DLG2: variants seen among roughly 807,000 people sequenced by gnomAD.
DLG2 encodes the protein discs large MAGUK scaffold protein 2.
A neutral mutation model predicts 132.5 loss-of-function variants in DLG2; 45 were observed. The ratio of observed to expected loss-of-function variants is 0.34; its 90% CI spans 0.27 to 0.44. The LOEUF (loss-of-function observed/expected upper bound fraction) is 0.44. DLG2 is among the 20% of genes least tolerant of loss of function. The pLI is 1.00. For synonymous variants in DLG2, 424 were observed against 419.6 expected (o/e 1.01, Z -0.13); for missense variants, 1,045 against 1,196.9 (o/e 0.87, Z 1.87).
At chr11:85,207,195 T>C (rs560388386) in intron 4 of DLG2, among the ~76,000 whole-genome samples, 3 of 152,170 alleles carry the variant, frequency 2.0e-5, no homozygotes, top group Non-Finnish European at 4.4e-5. Flanking sequence ...ATTGTACTAA[T>C]GAGGAGGGAA....
chr11:85,054,027 G>A lies in DLG2; in HGVS notation c.357+57634C>T, dbSNP rs2063183942. Among the ~76,000 whole-genome samples the A allele has an allele frequency of 2.0e-5, 3 of 152,108 alleles. No individual in the cohort carries two copies. In the South Asian group the frequency reaches 6.2e-4, roughly 32 times the overall value. The stretch of plus-strand genomic sequence containing the variant: ...CAGGCCTGTAATCCCAGAGCTTTGG[G>A]AGGCTGAGGCGGGTGGATCACAACG... On this transcript the variant is annotated intron_variant, in intron 6 of 27. Coordinates refer to ENST00000376104, the MANE Select transcript of DLG2 (RefSeq NM_001142699.3).
intron 6 of DLG2, among the ~76,000 whole-genome samples, chr11:85,022,003 A>G (rs1441524775): frequency 6.6e-6 from 1 of 152,172 alleles, no homozygotes; most frequent in Non-Finnish European, 1.5e-5. Flanking sequence ...CTTTAAACTA[A>G]TGTTTTGGAA....
chr11:83,501,571 T>G (rs146874111), intron 21 of DLG2, among the ~76,000 whole-genome samples: 3 of 152,170 alleles, frequency 2.0e-5, no homozygotes, highest in African/African-American at 7.2e-5. Flanking sequence ...TCTCTGAGGT[T>G]TCTTTCATCT....
At chr11:84,986,246 A>G (rs780156626) in intron 6 of DLG2, among the ~76,000 whole-genome samples, 29 of 152,138 alleles carry the variant, frequency 1.9e-4, no homozygotes, top group Non-Finnish European at 4.0e-4. Flanking sequence ...CCTAGCTTAA[A>G]TCGGGAAGAA....
chr11:84,107,219 G>T (rs1363116966), intron 9 of DLG2, among the ~76,000 whole-genome samples: 1 of 151,774 alleles, frequency 6.6e-6, no homozygotes, highest in Non-Finnish European at 1.5e-5. Flanking sequence ...AGTGAGAATG[G>T]GGCCCAGAGT....
At chr11:84,032,400 C>A (rs969538777) in intron 11 of DLG2, among the ~76,000 whole-genome samples, 2 of 152,208 alleles carry the variant, frequency 1.3e-5, no homozygotes, top group Non-Finnish European at 2.9e-5. Flanking sequence ...AAACTAGCCA[C>A]ACCAGTCTCT....
chr11:83,471,649 T>G lies in DLG2; in HGVS notation c.2423A>C (p.Asp808Ala). The G allele has an allele frequency of 6.2e-7, 1 of 1,613,156 alleles. No individual in the cohort carries two copies. The highest frequency in any genetic ancestry group is 8.5e-7 in the Non-Finnish European group (1 of 1,179,420). Reference sequence around the variant, plus strand: ...ACGAGGCACACAGGAGCCAAATTTATCAGGGAATTCAGATATCAAGTCGTC... The same window carrying G: ...ACGAGGCACACAGGAGCCAAATTTAGCAGGGAATTCAGATATCAAGTCGTC... ...INDDLISEFP[D>A]KFGSCVPHTT... Residue 808 changes from aspartate (D) to alanine (A), a missense_variant, in exon 24 of 28, where the codon GAT (aspartate) becomes GCT (alanine). Physicochemically the swap from Asp to Ala is moderately radical, Grantham distance 126. This residue lies in a region of DLG2 where 398 missense variants were observed against 543.6 expected (regional missense o/e 0.73). Transcript: ENST00000376104.
intron 6 of DLG2, among the ~76,000 whole-genome samples, chr11:84,670,779 C>G (rs1241683968): frequency 6.6e-6 from 1 of 152,102 alleles, no homozygotes; most frequent in Admixed American, 6.6e-5. Context: ...CCTGTTCTTT[C>G]CATCATATCG....
At chr11:84,095,151 T>C (rs2097148590) in intron 10 of DLG2, among the ~76,000 whole-genome samples, 1 of 150,928 alleles carries the variant, frequency 6.6e-6, no homozygotes, top group African/African-American at 2.4e-5. Flanking sequence ...ATGTAGAAGG[T>C]ATAATAGGAA....
At chr11:85,580,682 C>T (rs2078455076) in intron 3 of DLG2, among the ~76,000 whole-genome samples, 2 of 152,184 alleles carry the variant, frequency 1.3e-5, no homozygotes, top group African/African-American at 4.8e-5. Context: ...TAAAGTCATA[C>T]AACTTGCAAG....
intron 8 of DLG2, among the ~76,000 whole-genome samples, chr11:84,225,534 A>G (rs1295902604): frequency 6.6e-6 from 1 of 152,174 alleles, no homozygotes; most frequent in African/African-American, 2.4e-5. Flanking sequence ...ATTCCACTAG[A>G]ATATCATTCA....
intron 15 of DLG2, among the ~76,000 whole-genome samples, chr11:83,878,978 TAG>T (rs1192190146): frequency 5.3e-5 from 8 of 152,302 alleles, no homozygotes; most frequent in South Asian, 2.1e-4. Context: ...AAGTGCACAA[TAG>T]AGTTTCCTTT....
chr11:85,617,361 T>C (rs1274670461), intron 2 of DLG2, among the ~76,000 whole-genome samples: 3 of 152,260 alleles, frequency 2.0e-5, no homozygotes. Context: ...ATTCATCTTC[T>C]GTATCTCATC....
At chr11:85,163,933 A>G (rs2078232608) in intron 4 of DLG2, among the ~76,000 whole-genome samples, 1 of 152,140 alleles carries the variant, frequency 6.6e-6, no homozygotes. Flanking sequence ...TATGCATGGG[A>G]GTCTCACAAA....
intron 18 of DLG2, among the ~76,000 whole-genome samples, chr11:83,648,862 T>C (rs1196900516): frequency 6.6e-6 from 1 of 152,162 alleles, no homozygotes; most frequent in African/African-American, 2.4e-5. Flanking sequence ...GAGCTCTCTG[T>C]ACATTTCTTT....
At chr11:85,059,385 T>G (rs1323186924) in intron 6 of DLG2, among the ~76,000 whole-genome samples, 1 of 151,576 alleles carries the variant, frequency 6.6e-6, no homozygotes, top group East Asian at 1.9e-4. Context: ...CATATGCTTA[T>G]TCTAAGATCT....
intron 6 of DLG2, among the ~76,000 whole-genome samples, chr11:85,036,046 TTG>T (rs1283070709): frequency 6.6e-6 from 1 of 152,322 alleles, no homozygotes; most frequent in African/African-American, 2.4e-5. Context: ...CATTTTCTAT[TTG>T]TATACCTGAA....
At chr11:85,312,287 T>C (rs2080362811) in intron 3 of DLG2, among the ~76,000 whole-genome samples, 1 of 151,694 alleles carries the variant, frequency 6.6e-6, no homozygotes, top group Admixed American at 6.6e-5. Context: ...CCATATTACT[T>C]AGGCAGCCAA....
intron 6 of DLG2, among the ~76,000 whole-genome samples, chr11:84,547,463 G>C (rs2099392493): frequency 6.6e-6 from 1 of 152,032 alleles, no homozygotes; most frequent in Non-Finnish European, 1.5e-5. Context: ...AATTTACTGA[G>C]CACCACTTCT....
Sources: allele counts gnomAD v4.1 joint callset (sites outside exome capture counted in the v4.1 genomes callset), GRCh38; gene constraint gnomAD v4.1.1; regional missense constraint gnomAD v4.1.1; transcripts MANE v1.5; gene names NCBI Gene and HGNC (gene_info 2026-07-23, HGNC 2026-07-21).